The following PCDHGB6 variants were observed in gnomAD, a reference collection of about 807,000 sequenced individuals.
PCDHGB6 encodes the protein protocadherin gamma-B6.
In PCDHGB6, 51 loss-of-function variants were observed where a neutral mutation model predicts 59.1. The ratio of observed to expected loss-of-function variants is 0.86; its 90% CI spans 0.69 to 1.09. The LOEUF (loss-of-function observed/expected upper bound fraction) is 1.09. Among genes scored for constraint, PCDHGB6 ranks in the 50% least tolerant of loss-of-function variants. PCDHGB6 has a pLI of 0.00. For missense variants in PCDHGB6, 1,148 were observed against 1,205.1 expected, an observed-to-expected ratio of 0.95 and a Z score of 0.70; for synonymous variants, 466 against 495.1, an observed-to-expected ratio of 0.94 and a Z score of 0.78.
intron 3 of PCDHGB6, 124 bp from the exon 4 acceptor site, chr5:141,510,823 C>A: frequency 6.4e-7 from 1 of 1,562,432 alleles, no homozygotes. Context: ...CCTATATTCC[C>A]AGTGCTCAGC....
At chr5:141,492,447 T>G (rs920078908) in intron 1 of PCDHGB6, among the ~76,000 whole-genome samples, 13 of 152,300 alleles carry the variant, frequency 8.5e-5, no homozygotes, top group Middle Eastern at 3.4e-3. Context: ...CGTAGCTGAT[T>G]GTGCGCGCCT....
intron 1 of PCDHGB6, chr5:141,423,222 G>A (rs760308436): frequency 1.2e-6 from 2 of 1,613,688 alleles, no homozygotes; most frequent in Non-Finnish European, 1.7e-6. Context: ...CCGTGGCTGT[G>A]GCCGACAGCA....
In PCDHGB6 at chr5:141,421,903, G is replaced by T. The variant is rs757656265; in HGVS notation, c.2418+11283G>T. 2.5e-6 allele frequency: 4 copies of T among 1,613,704 alleles called. No homozygotes were observed. In the East Asian group the frequency reaches 6.7e-5, roughly 27 times the overall value. ...TGGAGGCGATCCCATCCGAAAGGGCGCAGTTCCCATTCGTGTGGTGGTCCT... is the reference window on the plus strand; with the variant it reads ...TGGAGGCGATCCCATCCGAAAGGGCTCAGTTCCCATTCGTGTGGTGGTCCT... On this transcript the variant is annotated intron_variant, in intron 1 of 3. Transcript: ENST00000520790.
intron 1 of PCDHGB6, chr5:141,413,978 T>C (rs2095697435): frequency 1.2e-6 from 2 of 1,613,414 alleles, no homozygotes; most frequent in Non-Finnish European, 8.5e-7. Flanking sequence ...CTGCTGACAG[T>C]CACAGCCACC....
chr5:141,418,996 TG>T (rs745777250), intron 1 of PCDHGB6: 13 of 1,613,756 alleles, frequency 8.1e-6, no homozygotes, highest in Non-Finnish European at 1.1e-5. Flanking sequence ...CAGGGGAAAA[TG>T]GGGAAGTCAG....
intron 1 of PCDHGB6, chr5:141,423,349 T>A (rs2096733716): frequency 6.2e-7 from 1 of 1,614,196 alleles, no homozygotes; most frequent in East Asian, 2.2e-5. Context: ...CTTCCTGGTC[T>A]TTGTCATCGT....
chr5:141,449,040 C>A (rs1333983931), intron 1 of PCDHGB6, among the ~76,000 whole-genome samples: 2 of 152,126 alleles, frequency 1.3e-5, no homozygotes, highest in Non-Finnish European at 2.9e-5. Flanking sequence ...GGATTATTAA[C>A]CAGTCTCATA....
At chr5:141,430,331 T>C (rs1266364984) in intron 1 of PCDHGB6, among the ~76,000 whole-genome samples, 2 of 150,984 alleles carry the variant, frequency 1.3e-5, no homozygotes, top group Non-Finnish European at 2.9e-5. Context: ...TCATTGTTTA[T>C]AGAAACTTCC....
At chr5:141,497,245 G>T (rs779763574) in intron 2 of PCDHGB6, among the ~76,000 whole-genome samples, 2 of 152,138 alleles carry the variant, frequency 1.3e-5, no homozygotes, top group Non-Finnish European at 2.9e-5. Flanking sequence ...TCTAGGAGGA[G>T]GTGACATTGA....
At chr5:141,473,919 A>G (rs2099331297) in intron 1 of PCDHGB6, among the ~76,000 whole-genome samples, 1 of 152,172 alleles carries the variant, frequency 6.6e-6, no homozygotes, top group African/African-American at 2.4e-5. Flanking sequence ...TAAGAAAACT[A>G]TGAGCTGGGT....
intron 1 of PCDHGB6, among the ~76,000 whole-genome samples, chr5:141,449,714 A>G (rs1188830159): frequency 2.6e-5 from 4 of 151,334 alleles, no homozygotes; most frequent in African/African-American, 7.3e-5. Flanking sequence ...CATTATTTTT[A>G]TATGATATGA....
chr5:141,458,059 T>G (rs533147047), intron 1 of PCDHGB6, among the ~76,000 whole-genome samples: 39 of 152,358 alleles, frequency 2.6e-4, no homozygotes, highest in African/African-American at 8.9e-4. Context: ...CTTGCTGCAC[T>G]GATGCGAACA....
At position 141,490,293 on chromosome 5, in the gene PCDHGB6, ATTG is replaced by A; in HGVS notation, c.2419-4513_2419-4511del. The A allele has an allele frequency of 1.9e-6, 3 of 1,614,190 alleles. No individual in the cohort carries two copies. Among genetic ancestry groups the A allele is most frequent in the Non-Finnish European group, 2.5e-6 (3 of 1,180,028 alleles). On this transcript the variant is annotated intron_variant, in intron 1 of 3. Coordinates refer to ENST00000520790, the MANE Select transcript of PCDHGB6 (RefSeq NM_018926.3). The surrounding 1 kb of genome is among the most constrained non-coding windows in gnomAD (Gnocchi z 5.4). ...TCAATGACAATGCCCCAGAGGTGCTATTGGCCTCTTTGGCCAACCCTGTCCTAG... is the reference window on the plus strand; with the variant it reads ...TCAATGACAATGCCCCAGAGGTGCTAGCCTCTTTGGCCAACCCTGTCCTAG...
chr5:141,505,450 G>T lies in PCDHGB6; in HGVS notation c.2535G>T (p.Met845Ile). Residue 845 changes from methionine (M) to isoleucine (I), a missense_variant, in exon 3 of 4, where the codon ATG becomes ATT. By Grantham distance (10) the Met-to-Ile change is conservative (BLOSUM62 1). This residue lies in a region of PCDHGB6 where 283 missense variants were observed against 318.6 expected (regional missense o/e 0.89). Coordinates refer to ENST00000520790, the MANE Select transcript of PCDHGB6 (RefSeq NM_018926.3). ...TWPNNQFDTE[M>I]LQAMILASAS... ...CCAACAACCAGTTTGACACAGAGAT[G>T]CTGCAAGCCATGATCTTGGCGTCCG... 6.2e-7 allele frequency: 1 copy of T among 1,614,194 alleles called. No homozygotes were observed. The highest frequency in any genetic ancestry group is 8.5e-7 in the Non-Finnish European group (1 of 1,180,012).
At chr5:141,447,649 T>C (rs909020761) in intron 1 of PCDHGB6, among the ~76,000 whole-genome samples, 1 of 152,206 alleles carries the variant, frequency 6.6e-6, no homozygotes, top group Non-Finnish European at 1.5e-5. Context: ...TGGTAGAATT[T>C]TCCCCCCCAG....
At chr5:141,415,809 CTA>C in intron 1 of PCDHGB6, 1 of 1,346,328 alleles carries the variant, frequency 7.4e-7, no homozygotes, top group Non-Finnish European at 9.5e-7. Flanking sequence ...CAATCAAGGC[CTA>C]TATATCATAA....
intron 1 of PCDHGB6, chr5:141,419,197 T>C (rs560134083): frequency 1.2e-6 from 2 of 1,613,966 alleles, no homozygotes; most frequent in South Asian, 1.1e-5. Flanking sequence ...CTGACGTCAA[T>C]GACAACGCGC....
chr5:141,487,623 C>T lies in PCDHGB6; in HGVS notation c.2419-7184C>T, dbSNP rs2099654624. On this transcript the variant is annotated intron_variant, in intron 1 of 3. Coordinates refer to ENST00000520790, the MANE Select transcript of PCDHGB6 (RefSeq NM_018926.3). This position sits in a 1 kb window ranked among gnomAD's most constrained non-coding sequence, Gnocchi z 5.0. The stretch of plus-strand genomic sequence containing the variant: ...CTTCTCTATGGGCTAGAGGTGAGAC[C>T]TTTGCAGGCTCAACAAATGCTTGAG... 6.2e-7 allele frequency: 1 copy of T among 1,614,088 alleles called. No individual in the cohort carries two copies. The highest frequency in any genetic ancestry group is 1.3e-5 in the African/African-American group (1 of 74,930).
chr5:141,491,353 T>A lies in PCDHGB6; in HGVS notation c.2419-3454T>A. On this transcript the variant is annotated intron_variant, in intron 1 of 3. Coordinates refer to ENST00000520790, the MANE Select transcript of PCDHGB6 (RefSeq NM_018926.3). This position sits in a 1 kb window ranked among gnomAD's most constrained non-coding sequence, Gnocchi z 6.9. ...GGCTCTAGCGACCGTCAGTCTCTTATCCCTAGTCACCTTCACCTTTCTGTC... is the reference window on the plus strand; with the variant it reads ...GGCTCTAGCGACCGTCAGTCTCTTAACCCTAGTCACCTTCACCTTTCTGTC... The A allele has an allele frequency of 6.2e-7, 1 of 1,614,160 alleles. No homozygotes were observed. Among genetic ancestry groups the A allele is most frequent in the South Asian group, 1.1e-5 (1 of 91,080 alleles).
Sources: allele counts gnomAD v4.1 joint callset (sites outside exome capture counted in the v4.1 genomes callset), GRCh38; gene constraint gnomAD v4.1.1; regional missense constraint gnomAD v4.1.1; non-coding constraint Gnocchi (gnomAD v3.1); transcripts MANE v1.5; gene names NCBI Gene and HGNC (gene_info 2026-07-23, HGNC 2026-07-21).